CENPW: variants seen among roughly 807,000 people sequenced by gnomAD.
CENPW encodes centromere protein W, also known as cancer-up-regulated gene 2 protein.
CENPW carries 3 observed loss-of-function variants against 11.1 expected under a neutral mutation model. The ratio of observed to expected loss-of-function variants is 0.27; its 90% CI spans 0.12 to 0.70. The LOEUF (loss-of-function observed/expected upper bound fraction) is 0.70. Ranked by LOEUF, CENPW falls within the 30% of genes least tolerant of loss-of-function variation. The pLI, the probability that CENPW is intolerant of heterozygous loss-of-function variation, is 0.77. For synonymous variants in CENPW, 38 were observed against 42.0 expected (o/e 0.91, Z 0.37); for missense variants, 100 against 105.6 (o/e 0.95, Z 0.23).
At chr6:126,464,977 C>T in the CENPW span, among the ~76,000 whole-genome samples, 1 of 152,036 alleles carries the variant, frequency 6.6e-6, no homozygotes, top group Non-Finnish European at 1.5e-5. Flanking sequence ...AGTATTACCA[C>T]TTTTAGGTAA....
the CENPW span, among the ~76,000 whole-genome samples, chr6:126,392,954 C>G: frequency 6.6e-6 from 1 of 151,874 alleles, no homozygotes; most frequent in Non-Finnish European, 1.5e-5. Context: ...CTTTTTATTA[C>G]AGATTCAATC....
the CENPW span, among the ~76,000 whole-genome samples, chr6:126,374,335 A>T: frequency 6.6e-6 from 1 of 152,220 alleles, no homozygotes; most frequent in African/African-American, 2.4e-5. Flanking sequence ...TAGCAAAGCC[A>T]GTGGCTCTTT....
At chr6:126,400,054 G>GTTATGAA in the CENPW span, among the ~76,000 whole-genome samples, 1 of 151,894 alleles carries the variant, frequency 6.6e-6, no homozygotes, top group Admixed American at 6.6e-5. Flanking sequence ...AAATAAAACT[G>GTTATGAA]TTATGAACAT....
the CENPW span, among the ~76,000 whole-genome samples, chr6:126,362,559 T>C: frequency 4.6e-5 from 7 of 152,214 alleles, no homozygotes; most frequent in African/African-American, 1.7e-4. Context: ...GTTTACTTGT[T>C]AATTCGTTCT....
the CENPW span, among the ~76,000 whole-genome samples, chr6:126,466,132 T>C: frequency 1.3e-5 from 2 of 152,080 alleles, no homozygotes; most frequent in African/African-American, 4.8e-5. Flanking sequence ...TTTAGAAATT[T>C]ATAGCCCAAA....
chr6:126,474,192 T>C, the CENPW span, among the ~76,000 whole-genome samples: 1 of 151,904 alleles, frequency 6.6e-6, no homozygotes, highest in Non-Finnish European at 1.5e-5. Context: ...GAAAAACTGA[T>C]AGCTTTTCCT....
the CENPW span, among the ~76,000 whole-genome samples, chr6:126,368,367 A>G: frequency 2.0e-5 from 3 of 152,332 alleles, no homozygotes; most frequent in Admixed American, 2.0e-4. Context: ...AGGTTCTGTA[A>G]TTAAGGGAAG....
At chr6:126,432,098 A>ATTTTT in the CENPW span, among the ~76,000 whole-genome samples, 3 of 143,372 alleles carry the variant, frequency 2.1e-5, no homozygotes, top group East Asian at 6.1e-4. Context: ...AAAAGAGGGT[A>ATTTTT]TTTTTCTTTG....
chr6:126,420,462 G>C, the CENPW span, among the ~76,000 whole-genome samples: 2 of 152,270 alleles, frequency 1.3e-5, no homozygotes, highest in South Asian at 4.1e-4. Context: ...ACCTGATGCA[G>C]CATAGCAACT....
chr6:126,344,537 T>C (rs566221794), intron 1 of CENPW, among the ~76,000 whole-genome samples: 1 of 152,296 alleles, frequency 6.6e-6, no homozygotes, highest in East Asian at 1.9e-4. Flanking sequence ...TTATGGGGTG[T>C]TTTTGCTACC....
chr6:126,365,287 C>CAG, the CENPW span, among the ~76,000 whole-genome samples: 1 of 152,100 alleles, frequency 6.6e-6, no homozygotes, highest in Non-Finnish European at 1.5e-5. Context: ...AGTCTGTTGT[C>CAG]ACATTACTGT....
At chr6:126,422,948 G>A in the CENPW span, among the ~76,000 whole-genome samples, 1 of 152,118 alleles carries the variant, frequency 6.6e-6, no homozygotes, top group South Asian at 2.1e-4. Context: ...ACAGTGAATT[G>A]TTTTCCCAAG....
At chr6:126,435,500 G>A in the CENPW span, among the ~76,000 whole-genome samples, 1 of 151,750 alleles carries the variant, frequency 6.6e-6, no homozygotes, top group East Asian at 1.9e-4. Flanking sequence ...TATATAGAAG[G>A]AGAAATTTGG....
At chr6:126,343,072 A>G (rs1473308514) in intron 1 of CENPW, among the ~76,000 whole-genome samples, 3 of 152,190 alleles carry the variant, frequency 2.0e-5, no homozygotes, top group Non-Finnish European at 4.4e-5. Context: ...GCTATGACAA[A>G]GGGAGGAGAA....
chr6:126,382,697 C>G, the CENPW span, among the ~76,000 whole-genome samples: 1 of 151,906 alleles, frequency 6.6e-6, no homozygotes, highest in Admixed American at 6.6e-5. Context: ...AATCTCAGAG[C>G]TTGAAGACTA....
chr6:126,398,459 T>A, the CENPW span, among the ~76,000 whole-genome samples: 1 of 152,118 alleles, frequency 6.6e-6, no homozygotes, highest in Non-Finnish European at 1.5e-5. Context: ...CACCAAAATA[T>A]AAGGATGCAC....
At chr6:126,427,994 A>G in the CENPW span, among the ~76,000 whole-genome samples, 9 of 152,204 alleles carry the variant, frequency 5.9e-5, no homozygotes, top group South Asian at 1.9e-3. Context: ...TACTGGCATG[A>G]TCTCACCTCT....
chr6:126,363,617 A>G, the CENPW span, among the ~76,000 whole-genome samples: 9 of 152,164 alleles, frequency 5.9e-5, no homozygotes, highest in African/African-American at 1.7e-4. Context: ...GTATTTTCCA[A>G]TATTTTCTCA....
intron 1 of CENPW, among the ~76,000 whole-genome samples, chr6:126,342,723 T>C (rs1042226473): frequency 5.3e-5 from 8 of 152,158 alleles, no homozygotes; most frequent in Non-Finnish European, 1.0e-4. Context: ...ATTTGCCTTT[T>C]TCTTTATGGG....
Sources: gnomAD v4.1 joint callset for allele counts (sites outside exome capture counted in the v4.1 genomes callset) on GRCh38, gnomAD v4.1.1 for gene constraint, MANE v1.5 for transcripts, NCBI Gene and HGNC (gene_info 2026-07-23, HGNC 2026-07-21) for gene names.